Variants in MSRA observed in about 807,000 individuals in gnomAD.
MSRA encodes the protein methionine sulfoxide reductase A.
In MSRA, 54 loss-of-function variants were observed where a neutral mutation model predicts 31.3. That is an observed-to-expected ratio of 1.73 (90% CI 1.39 to 2.17). MSRA has a LOEUF of 2.17. MSRA is among the 30% of genes most tolerant of loss of function. The pLI, the probability that MSRA is intolerant of heterozygous loss-of-function variation, is 0.00. For synonymous variants in MSRA, 169 were observed against 116.5 expected (o/e 1.45, Z -2.90); for missense variants, 507 against 300.9 (o/e 1.69, Z -5.07).
chr8:10,062,050 C>T (rs1313590653), intron 1 of MSRA, among the ~76,000 whole-genome samples: 1 of 152,122 alleles, frequency 6.6e-6, no homozygotes, highest in South Asian at 2.1e-4. Context: ...GGGAGCCTGG[C>T]TGGGGGAGGA....
At chr8:10,250,679 G>A (rs1030192109) in intron 3 of MSRA, 5 of 567,428 alleles carry the variant, frequency 8.8e-6, no homozygotes, top group African/African-American at 3.8e-5. Context: ...GGGAGTCCTC[G>A]TGTGACCCTC....
At chr8:10,287,577 G>A (rs1435391448) in intron 3 of MSRA, among the ~76,000 whole-genome samples, 1 of 152,172 alleles carries the variant, frequency 6.6e-6, no homozygotes, top group African/African-American at 2.4e-5. Flanking sequence ...GTTACTGAGA[G>A]AACCCCTTTG....
chr8:10,155,195 T>C (rs561744656), intron 1 of MSRA, among the ~76,000 whole-genome samples: 25 of 152,252 alleles, frequency 1.6e-4, no homozygotes, highest in South Asian at 4.1e-4. Context: ...AGTAGGCTTA[T>C]GTCGGTAGGG....
intron 5 of MSRA, among the ~76,000 whole-genome samples, chr8:10,426,172 A>G (rs1809148912): frequency 6.6e-6 from 1 of 152,184 alleles, no homozygotes; most frequent in South Asian, 2.1e-4. Context: ...TACCCCTGTT[A>G]GTTAGCCAAC....
intron 3 of MSRA, among the ~76,000 whole-genome samples, chr8:10,249,030 G>A (rs865884817): frequency 5.3e-5 from 8 of 152,160 alleles, no homozygotes; most frequent in Middle Eastern, 3.2e-3. Context: ...TCAGTAGGAG[G>A]TTGGTGAGCT....
At chr8:10,384,640 G>A (rs1290713062) in intron 5 of MSRA, among the ~76,000 whole-genome samples, 1 of 152,212 alleles carries the variant, frequency 6.6e-6, no homozygotes, top group East Asian at 1.9e-4. Context: ...TGTTTTCAGG[G>A]TGCAGCCAGG....
intron 5 of MSRA, among the ~76,000 whole-genome samples, chr8:10,427,331 T>C (rs555918441): frequency 1.6e-4 from 24 of 152,298 alleles, no homozygotes; most frequent in African/African-American, 5.5e-4. Context: ...CGGGGAGCAA[T>C]GTCTATTTCT....
chr8:10,347,170 T>A (rs762732112), intron 5 of MSRA, among the ~76,000 whole-genome samples: 6 of 152,344 alleles, frequency 3.9e-5, no homozygotes, highest in Non-Finnish European at 7.3e-5. Context: ...GGTTCTGTCT[T>A]GTTCATCACT....
Position 10,409,255 on chromosome 8 carries a change from A to G in MSRA, c.544-18893A>G, listed in dbSNP as rs1414475705. On this transcript the variant is annotated intron_variant, in intron 5 of 5. Coordinates refer to ENST00000317173, the MANE Select transcript of MSRA (RefSeq NM_012331.5). ...GTTATTTTTTTGACTTTTTAATAGT[A>G]GCCATTCTGACTGGTGTAAGATGAT... 3.3e-5 allele frequency among the ~76,000 whole-genome samples: 5 copies of G among 152,208 alleles called. 1 individual carries two copies. The highest frequency in any genetic ancestry group is 7.3e-5 in the Non-Finnish European group (5 of 68,050).
chr8:10,396,545 C>A (rs1183871504), intron 5 of MSRA, among the ~76,000 whole-genome samples: 1 of 152,144 alleles, frequency 6.6e-6, no homozygotes, highest in Non-Finnish European at 1.5e-5. Flanking sequence ...GGCTATTAAA[C>A]CCCTTAGGAA....
chr8:10,149,834 G>A (rs1038457), intron 1 of MSRA, among the ~76,000 whole-genome samples: 46,069 of 46,632 alleles, frequency 0.99, 22,853 homozygotes, highest in Middle Eastern at 1. Flanking sequence ...ACATGGGACG[G>A]TATATTTGTG....
chr8:10,305,745 C>G (rs1010452829), intron 4 of MSRA, among the ~76,000 whole-genome samples: 2 of 152,112 alleles, frequency 1.3e-5, no homozygotes, highest in East Asian at 1.9e-4. Context: ...GGGAGCAAAG[C>G]TGGTAAGTGA....
In MSRA at chr8:10,183,275, A is replaced by G. The variant is rs191823993; in HGVS notation, c.143-24558A>G. Among the ~76,000 whole-genome samples, 136 of 152,326 alleles carry G rather than the reference A, an allele frequency of 8.9e-4. No individual in the cohort carries two copies. The Middle Eastern group carries it at 0.01, about 11-fold the overall frequency. ...AGGAGGTGATAAAGACAGCTTAGTT[A>G]GGCTTAGGACCAAGGCTGTGTGAGA... On this transcript the variant is annotated intron_variant, in intron 1 of 5. Transcript: ENST00000317173.
chr8:10,088,838 G>A (rs573640921), intron 1 of MSRA, among the ~76,000 whole-genome samples: 38 of 152,268 alleles, frequency 2.5e-4, no homozygotes, highest in Admixed American at 1.2e-3. Flanking sequence ...GCCACAGCAC[G>A]GACGGATCTA....
At chr8:10,068,564 G>T (rs973199609) in intron 1 of MSRA, among the ~76,000 whole-genome samples, 2 of 152,186 alleles carry the variant, frequency 1.3e-5, no homozygotes, top group African/African-American at 4.8e-5. Context: ...TGAAATGACT[G>T]TCTTTTCTCC....
intron 5 of MSRA, among the ~76,000 whole-genome samples, chr8:10,329,905 A>G (rs964657818): frequency 1.3e-5 from 2 of 151,738 alleles, no homozygotes; most frequent in Non-Finnish European, 2.9e-5. Flanking sequence ...AACAGACCCA[A>G]TTTTACTGCT....
chr8:10,341,413 C>T (rs539316402), intron 5 of MSRA, among the ~76,000 whole-genome samples: 52 of 152,094 alleles, frequency 3.4e-4, no homozygotes, highest in Non-Finnish European at 6.2e-4. Context: ...GAGTGAAAGC[C>T]GACTTATCAC....
intron 1 of MSRA, among the ~76,000 whole-genome samples, chr8:10,145,287 G>A (rs1454676207): frequency 6.6e-6 from 1 of 152,142 alleles, no homozygotes; most frequent in Non-Finnish European, 1.5e-5. Flanking sequence ...TTCATACGAA[G>A]AATAGCTTTG....
intron 1 of MSRA, among the ~76,000 whole-genome samples, chr8:10,072,921 A>G (rs1797815579): frequency 6.6e-6 from 1 of 152,194 alleles, no homozygotes; most frequent in African/African-American, 2.4e-5. Context: ...AGTATTTAAA[A>G]ATGCAGTTGA....
Sources: allele counts gnomAD v4.1 joint callset (sites outside exome capture counted in the v4.1 genomes callset), GRCh38; gene constraint gnomAD v4.1.1; transcripts MANE v1.5; gene names NCBI Gene and HGNC (gene_info 2026-07-23, HGNC 2026-07-21).